The following FOXP1 variants were observed in gnomAD, a reference collection of about 807,000 sequenced individuals.
The protein encoded by FOXP1 is forkhead box protein P1.
FOXP1 carries 15 observed loss-of-function variants against 98.2 expected under a neutral mutation model. The ratio of observed to expected loss-of-function variants is 0.15; its 90% CI spans 0.10 to 0.24. The LOEUF (loss-of-function observed/expected upper bound fraction) is 0.24. Among genes scored for constraint, FOXP1 ranks in the 10% least tolerant of loss-of-function variants. The probability of loss-of-function intolerance (pLI) is 1.00; values close to 1 mark genes in which losing one functional copy is unlikely to be tolerated. For synonymous variants in FOXP1, 371 were observed against 314.5 expected, an observed-to-expected ratio of 1.18 and a Z score of -1.90; for missense variants, 633 against 848.5, an observed-to-expected ratio of 0.75 and a Z score of 3.15.
chr3:71,161,320 A>T (rs2061123418), intron 6 of FOXP1, among the ~76,000 whole-genome samples: 1 of 152,202 alleles, frequency 6.6e-6, no homozygotes, highest in South Asian at 2.1e-4. Context: ...CTGGTAGCTC[A>T]TCTGGGCCTC....
intron 5 of FOXP1, among the ~76,000 whole-genome samples, chr3:71,297,413 C>T (rs921520061): frequency 2.7e-5 from 4 of 147,420 alleles, no homozygotes; most frequent in Non-Finnish European, 4.5e-5. Context: ...TTTCCATTTT[C>T]AGGTAACAGG....
At chr3:71,189,976 G>A (rs75962888) in intron 6 of FOXP1, among the ~76,000 whole-genome samples, 10 of 152,238 alleles carry the variant, frequency 6.6e-5, no homozygotes, top group South Asian at 2.1e-4. Flanking sequence ...CTGGGGCCAC[G>A]TTAGTGGCCG....
At chr3:70,972,096 C>G (rs1485479321) in intron 18 of FOXP1, 1 of 1,531,454 alleles carries the variant, frequency 6.5e-7, no homozygotes, top group Non-Finnish European at 8.7e-7. Context: ...TTAAACTCTT[C>G]ATCATCAACT....
intron 3 of FOXP1, among the ~76,000 whole-genome samples, chr3:71,436,272 A>G (rs1225791990): frequency 6.6e-6 from 1 of 152,090 alleles, no homozygotes; most frequent in Admixed American, 6.6e-5. Flanking sequence ...TCCCTCTGAG[A>G]TCAACAAAGC....
intron 5 of FOXP1, among the ~76,000 whole-genome samples, chr3:71,207,322 T>A (rs1237899785): frequency 2.0e-5 from 3 of 151,824 alleles, no homozygotes; most frequent in Non-Finnish European, 4.4e-5. Flanking sequence ...GATTAATGAC[T>A]GGCGTGATCT....
chr3:71,060,440 A>T (rs191508171), intron 7 of FOXP1, among the ~76,000 whole-genome samples: 322 of 152,264 alleles, frequency 2.1e-3, no homozygotes, highest in Admixed American at 4.2e-3. Flanking sequence ...AAAGCTTCCC[A>T]TAAGTTAAAG....
intron 2 of FOXP1, among the ~76,000 whole-genome samples, chr3:71,557,249 A>G (rs2046209791): frequency 6.6e-6 from 1 of 152,220 alleles, no homozygotes; most frequent in African/African-American, 2.4e-5. Context: ...GAGAGAAGAA[A>G]AATATTGAAA....
At chr3:70,990,940 C>T (rs1186776974) in intron 13 of FOXP1, among the ~76,000 whole-genome samples, 4 of 152,096 alleles carry the variant, frequency 2.6e-5, no homozygotes, top group South Asian at 2.1e-4. Flanking sequence ...CTTCTAAATA[C>T]GGAATGATCA....
intron 5 of FOXP1, among the ~76,000 whole-genome samples, chr3:71,233,564 T>A (rs892866952): frequency 6.6e-6 from 1 of 150,892 alleles, no homozygotes; most frequent in Non-Finnish European, 1.5e-5. Flanking sequence ...GTAGCTGGGA[T>A]TACAAATGCC....
intron 3 of FOXP1, among the ~76,000 whole-genome samples, chr3:71,359,850 T>A (rs1031533855): frequency 6.6e-6 from 1 of 152,102 alleles, no homozygotes; most frequent in East Asian, 1.9e-4. Flanking sequence ...AGGAGTGCAG[T>A]GGCATGATCT....
intron 11 of FOXP1, among the ~76,000 whole-genome samples, chr3:71,016,415 G>C (rs759140420): frequency 6.6e-6 from 1 of 152,086 alleles, no homozygotes; most frequent in African/African-American, 2.4e-5. Flanking sequence ...TGCACTCACC[G>C]ATGAACCATA....
intron 6 of FOXP1, among the ~76,000 whole-genome samples, chr3:71,150,757 G>A (rs756919513): frequency 3.3e-5 from 5 of 152,016 alleles, no homozygotes; most frequent in Admixed American, 6.5e-5. Context: ...AATCTTTACC[G>A]CAAGCAGATT....
At chr3:71,268,324 T>C (rs1450508912) in intron 5 of FOXP1, among the ~76,000 whole-genome samples, 2 of 151,908 alleles carry the variant, frequency 1.3e-5, no homozygotes, top group East Asian at 3.9e-4. Flanking sequence ...AAAAATCAGA[T>C]ACAGTCACAT....
chr3:71,018,699 T>C (rs912689518), intron 11 of FOXP1, among the ~76,000 whole-genome samples: 1 of 152,222 alleles, frequency 6.6e-6, no homozygotes, highest in Non-Finnish European at 1.5e-5. Context: ...GGTGCCTCGA[T>C]AGCATCTTTT....
intron 5 of FOXP1, among the ~76,000 whole-genome samples, chr3:71,201,368 G>A (rs558873754): frequency 1.1e-4 from 16 of 152,286 alleles, no homozygotes; most frequent in Admixed American, 3.3e-4. Flanking sequence ...GAAAAGAGCC[G>A]GGTGCAGTGG....
intron 7 of FOXP1, among the ~76,000 whole-genome samples, chr3:71,070,707 G>A (rs564269950): frequency 6.6e-6 from 1 of 152,186 alleles, no homozygotes; most frequent in African/African-American, 2.4e-5. Flanking sequence ...GGGCATTAGG[G>A]GGTAAATTTC....
intron 14 of FOXP1, among the ~76,000 whole-genome samples, chr3:70,980,308 C>CTAA (rs1392087729): frequency 1.3e-5 from 2 of 152,278 alleles, no homozygotes; most frequent in Admixed American, 1.3e-4. Context: ...GCATGAAAGG[C>CTAA]TAATGCTCAT....
chr3:71,185,826 T>C (rs566176361), intron 6 of FOXP1, among the ~76,000 whole-genome samples: 1 of 152,200 alleles, frequency 6.6e-6, no homozygotes, highest in Non-Finnish European at 1.5e-5. Flanking sequence ...TATCTCCTGA[T>C]GGAAGAGGTT....
chr3:71,398,487 A>G (rs17718085), intron 3 of FOXP1, among the ~76,000 whole-genome samples: 23,916 of 152,194 alleles, frequency 0.16, 2,266 homozygotes, highest in South Asian at 0.23. Context: ...GCTAATGTGA[A>G]CCCTTTTCAC....
Sources: gnomAD v4.1 joint callset for allele counts (sites outside exome capture counted in the v4.1 genomes callset) on GRCh38, gnomAD v4.1.1 for gene constraint, MANE v1.5 for transcripts, NCBI Gene and HGNC (gene_info 2026-07-23, HGNC 2026-07-21) for gene names.